Variants in CTSH observed in about 807,000 individuals in gnomAD.
The protein encoded by CTSH is cathepsin H.
CTSH carries 52 observed loss-of-function variants against 56.3 expected under a neutral mutation model. That is an observed-to-expected ratio of 0.92 (90% confidence interval 0.74 to 1.16). The LOEUF (loss-of-function observed/expected upper bound fraction) is 1.16. Ranked by LOEUF, CTSH falls within the 50% of genes most tolerant of loss-of-function variation. The pLI, the probability that CTSH is intolerant of heterozygous loss-of-function variation, is 0.00. For synonymous variants in CTSH, 174 were observed against 155.7 expected (o/e 1.12, Z -0.88); for missense variants, 406 against 424.5 (o/e 0.96, Z 0.38).
rs377571418 is a variant in CTSH, at chr15:78,927,745, C to T, written c.667G>A (p.Gly223Ser). 13 of 1,614,036 alleles carry T rather than the reference C, an allele frequency of 8.1e-6. No individual in the cohort carries two copies. Among genetic ancestry groups the T allele is most frequent in the South Asian group, 3.3e-5 (3 of 91,086 alleles). Residue 223 changes from glycine to serine, a missense_variant, in exon 9 of 12, where the codon GGC becomes AGC. By Grantham distance (56) the Gly-to-Ser change is moderately conservative. Coordinates refer to ENST00000220166, the MANE Select transcript of CTSH (RefSeq NM_004390.5). ...YCKFQPGKAIGFVKDVANITI... is the reference protein window; with the variant it reads ...YCKFQPGKAISFVKDVANITI... ...ATGTTGGCTACATCCTTGACAAAGC[C>T]GATGGCCTTTCCAGGTTGGAACTTG...
At chr15:78,927,182 A>G (rs1315498704) in intron 9 of CTSH, 1 of 153,826 alleles carries the variant, frequency 6.5e-6, no homozygotes, top group East Asian at 1.9e-4. Context: ...GAGCTAGGGC[A>G]TCATTTACCA....
Position 78,929,281 on chromosome 15 carries a change from G to C in CTSH, c.630+131C>G, listed in dbSNP as rs2054992293. Reference sequence around the variant, plus strand: ...GGAGGAGGGGAAGGAAGAATTTGGAGAGAACAGACAATTGTGAGAATTCCG... The same window carrying C: ...GGAGGAGGGGAAGGAAGAATTTGGACAGAACAGACAATTGTGAGAATTCCG... On this transcript the variant is annotated intron_variant, in intron 8 of 11. Coordinates refer to ENST00000220166, the MANE Select transcript of CTSH (RefSeq NM_004390.5). 3 of 742,864 alleles carry C rather than the reference G, an allele frequency of 4.0e-6. No individual in the cohort carries two copies. In the East Asian group the frequency reaches 8.4e-5, roughly 21 times the overall value. The allele number at this position is 742,864 out of a possible 1,614,324, so 46.0% of individuals were successfully genotyped here. A position where few individuals can be genotyped will look rare whatever the true frequency, so the allele number is the denominator to read the frequency against.
At chr15:78,928,257 C>A (rs916142199) in intron 8 of CTSH, among the ~76,000 whole-genome samples, 6 of 152,046 alleles carry the variant, frequency 3.9e-5, no homozygotes, top group Non-Finnish European at 7.4e-5. Context: ...TGTGGCTGGG[C>A]CTGGGCGTGA....
At chr15:78,927,615 G>A (rs745833057) in intron 9 of CTSH, 98 bp downstream of exon 9, 107 of 1,042,168 alleles carry the variant, frequency 1.0e-4, no homozygotes, top group Middle Eastern at 8.2e-4. Flanking sequence ...TGTGCTGCCA[G>A]AAGGGCTGCC....
At chr15:78,925,526 G>A (rs917992044) in intron 9 of CTSH, 86 bp from the exon 10 acceptor site, 2 of 878,140 alleles carry the variant, frequency 2.3e-6, no homozygotes, top group Non-Finnish European at 3.7e-6. Context: ...CAAGCTAGGG[G>A]CTAGAGGCCC....
In CTSH at chr15:78,938,046, G is replaced by GT. The variant is rs56909845; in HGVS notation, c.124-624dup. 0.027 allele frequency among the ~76,000 whole-genome samples: 4,063 copies of GT among 152,224 alleles called. 482 individuals carry two copies. The East Asian group carries it at 0.37, about 14-fold the overall frequency. On this transcript the variant is annotated intron_variant, in intron 2 of 11. Coordinates refer to ENST00000220166, the MANE Select transcript of CTSH (RefSeq NM_004390.5). ...TTGCTTACTACAGTTGAATCTACTT[G>GT]TTTTTTGAACACTTGGTCTCATTTC...
intron 10 of CTSH, among the ~76,000 whole-genome samples, chr15:78,924,750 C>T (rs983761950): frequency 6.6e-6 from 1 of 150,900 alleles, no homozygotes; most frequent in Non-Finnish European, 1.5e-5. Context: ...AGTGCAGTGG[C>T]ACGATCTTGG....
chr15:78,927,205 C>G (rs2054924820), intron 9 of CTSH: 1 of 154,404 alleles, frequency 6.5e-6, no homozygotes, highest in South Asian at 2.0e-4. Context: ...TTCTTTCCCT[C>G]TAGTCCTGGC....
In CTSH at chr15:78,934,777, C is replaced by A; in HGVS notation, c.405+201G>T. ...TAAACTTTAGCCCAATAAAGAGGAA[C>A]TTTTGCATCCTCCAGAGCAGCCTAG... On this transcript the variant is annotated intron_variant, in intron 5 of 11. Transcript: ENST00000220166. 11 of 664,786 alleles carry A rather than the reference C, an allele frequency of 1.7e-5. 1 individual carries two copies. The South Asian group carries it at 1.7e-4, about 10-fold the overall frequency. 41.2% of individuals were successfully genotyped at this position (664,786 alleles called of 1,614,324 possible). A position where few individuals can be genotyped will look rare whatever the true frequency, so the allele number is the denominator to read the frequency against.
At chr15:78,935,228 C>A (rs1038756752) in intron 4 of CTSH, 146 bp from the exon 5 acceptor site, 1 of 632,500 alleles carries the variant, frequency 1.6e-6, no homozygotes, top group Non-Finnish European at 2.8e-6. Context: ...CTCCTGTCTA[C>A]TGGTCCCAAG....
At chr15:78,924,475 G>A (rs189481743) in intron 10 of CTSH, among the ~76,000 whole-genome samples, 4 of 152,224 alleles carry the variant, frequency 2.6e-5, no homozygotes, top group African/African-American at 9.6e-5. Flanking sequence ...AGTGACATTA[G>A]TGAGTGACGT....
intron 7 of CTSH, among the ~76,000 whole-genome samples, chr15:78,930,707 G>A (rs1435236498): frequency 1.3e-5 from 2 of 152,198 alleles, no homozygotes; most frequent in Admixed American, 6.5e-5. Context: ...AGCAGGCTAC[G>A]ACGTCACCCC....
chr15:78,923,229 A>G, intron 10 of CTSH, 111 bp from the exon 11 acceptor site: 1 of 1,160,772 alleles, frequency 8.6e-7, no homozygotes, highest in Non-Finnish European at 1.2e-6. Flanking sequence ...CCCACAGCGG[A>G]CCAGGGAGGC....
rs200464343 is a variant in CTSH at position 78,941,450 on chromosome 15, AT to A, written c.92-2280del. The stretch of plus-strand genomic sequence containing the variant: ...AAAAAAAAAAAAAAAAAAAAAAAAA[AT>A]TAAATGTTTTTACTACCTGTGACCC... On this transcript the variant is annotated intron_variant, in intron 1 of 11. Transcript: ENST00000220166. Among the ~76,000 whole-genome samples, 32 of 135,350 alleles carry A rather than the reference AT, an allele frequency of 2.4e-4. 1 individual carries two copies. The highest frequency in any genetic ancestry group is 4.7e-4 in the South Asian group (2 of 4,228). The allele number at this position is 135,350 out of a possible 152,430, so 88.8% of individuals were successfully genotyped here.
At chr15:78,941,752 C>A (rs1338452607) in intron 1 of CTSH, among the ~76,000 whole-genome samples, 4 of 147,046 alleles carry the variant, frequency 2.7e-5, no homozygotes, top group Non-Finnish European at 3.0e-5. Context: ...GCCGAGATCA[C>A]GCCACTGCAC....
intron 7 of CTSH, 126 bp downstream of exon 7, chr15:78,931,324 GA>G (rs2141535297): frequency 8.3e-7 from 1 of 1,203,120 alleles, no homozygotes; most frequent in East Asian, 2.4e-5. Flanking sequence ...GTACAACAGA[GA>G]CCATTTTGCC....
intron 9 of CTSH, chr15:78,927,503 AC>A: frequency 1.7e-6 from 1 of 575,922 alleles, no homozygotes; most frequent in Non-Finnish European, 3.1e-6. Flanking sequence ...GGAGTTCAGA[AC>A]CAGAGGGCCT....
At chr15:78,931,974 C>T (rs2055070772) in intron 6 of CTSH, 8 of 1,149,616 alleles carry the variant, frequency 7.0e-6, no homozygotes, top group South Asian at 4.7e-5. Flanking sequence ...GGGCATCATC[C>T]GTCTCTTGTG....
Position 78,936,699 on chromosome 15 carries a change from G to A in CTSH, c.229+619C>T, listed in dbSNP as rs548941287. ...GGCTGGAGTGCAATGGCACTATCTC[G>A]GCTCACCGCAACCTCCACCTCCCGG... On this transcript the variant is annotated intron_variant, in intron 3 of 11. Transcript: ENST00000220166. Among the ~76,000 whole-genome samples the A allele has an allele frequency of 1.8e-3, 271 of 151,398 alleles. 1 individual carries two copies. Among genetic ancestry groups the A allele is most frequent in the African/African-American group, 6.1e-3 (253 of 41,282 alleles).
Sources: gnomAD v4.1 joint callset for allele counts (sites outside exome capture counted in the v4.1 genomes callset) on GRCh38, gnomAD v4.1.1 for gene constraint, MANE v1.5 for transcripts, NCBI Gene and HGNC (gene_info 2026-07-23, HGNC 2026-07-21) for gene names.